Variants in NRG3 observed in about 807,000 individuals in gnomAD.
NRG3 encodes the protein pro-neuregulin-3, membrane-bound isoform.
In NRG3, 31 loss-of-function variants were observed where a neutral mutation model predicts 66.9. That is an observed-to-expected ratio of 0.46 (90% CI 0.35 to 0.63). NRG3 has a LOEUF of 0.63. Among genes scored for constraint, NRG3 ranks in the 20% least tolerant of loss-of-function variants. The pLI is 0.00. For missense variants in NRG3, 910 were observed against 878.9 expected, an observed-to-expected ratio of 1.04 and a Z score of -0.45; for synonymous variants, 393 against 359.4, an observed-to-expected ratio of 1.09 and a Z score of -1.06.
intron 1 of NRG3, among the ~76,000 whole-genome samples, chr10:82,084,418 A>G (rs948351233): frequency 4.6e-5 from 7 of 151,884 alleles, no homozygotes; most frequent in African/African-American, 1.7e-4. Flanking sequence ...TAACAATATA[A>G]TCCTACTTTC....
At chr10:82,472,533 G>A (rs937854893) in intron 2 of NRG3, among the ~76,000 whole-genome samples, 1 of 152,198 alleles carries the variant, frequency 6.6e-6, no homozygotes, top group African/African-American at 2.4e-5. Flanking sequence ...GGGTTATCAA[G>A]CATCGCCGTT....
intron 2 of NRG3, among the ~76,000 whole-genome samples, chr10:82,599,234 G>A (rs1005588951): frequency 6.6e-6 from 1 of 152,152 alleles, no homozygotes; most frequent in Non-Finnish European, 1.5e-5. Flanking sequence ...GAATATGTGG[G>A]CTTCAAAAGG....
chr10:82,983,236 A>G (rs1853107123), intron 8 of NRG3, among the ~76,000 whole-genome samples: 1 of 152,196 alleles, frequency 6.6e-6, no homozygotes, highest in Admixed American at 6.5e-5. Flanking sequence ...ATTTTCATAC[A>G]TACAAATCAT....
rs183639884 is a variant in NRG3 at position 82,069,774 on chromosome 10, T to C, written c.823+193611T>C. On this transcript the variant is annotated intron_variant, in intron 1 of 8. Coordinates refer to ENST00000372141, the MANE Select transcript of NRG3 (RefSeq NM_001010848.4). ...GAGAAGTTTCATATTGAAATAAGCT[T>C]TTAGAAAACTGCTCTGGTAAATTAA... 7.6e-3 allele frequency among the ~76,000 whole-genome samples: 1,159 copies of C among 152,296 alleles called. 9 individuals are homozygous for C. Among genetic ancestry groups the C allele is most frequent in the Non-Finnish European group, 0.011 (767 of 68,026 alleles).
rs368387473 is a variant in NRG3, at chr10:82,784,671, G to A, written c.1027+46021G>A. ...CACAATGAGATACCATCTCACACCA[G>A]TTAGAATGGCAATCATTAAAAAGTC... On this transcript the variant is annotated intron_variant, in intron 3 of 8. Coordinates refer to ENST00000372141, the MANE Select transcript of NRG3 (RefSeq NM_001010848.4). 2.2e-3 allele frequency among the ~76,000 whole-genome samples: 336 copies of A among 152,082 alleles called. 4 individuals carry two copies. In the East Asian group the frequency reaches 0.054, roughly 25 times the overall value.
chr10:82,785,212 G>A (rs1455904701), intron 3 of NRG3, among the ~76,000 whole-genome samples: 1 of 151,854 alleles, frequency 6.6e-6, no homozygotes, highest in African/African-American at 2.4e-5. Context: ...TGTGGGGTAG[G>A]GGGAAGGGGG....
At chr10:81,988,261 G>A (rs532296825) in intron 1 of NRG3, among the ~76,000 whole-genome samples, 2 of 152,232 alleles carry the variant, frequency 1.3e-5, no homozygotes, top group East Asian at 3.9e-4. Flanking sequence ...AAGTTAATTT[G>A]TAGAGATAAG....
chr10:82,361,794 A>G (rs1158411187), intron 2 of NRG3, among the ~76,000 whole-genome samples: 1 of 152,128 alleles, frequency 6.6e-6, no homozygotes, highest in African/African-American at 2.4e-5. Context: ...GTTAAATAAG[A>G]TGCCATTTAA....
At chr10:82,683,222 T>C (rs1201330467) in intron 2 of NRG3, among the ~76,000 whole-genome samples, 1 of 152,142 alleles carries the variant, frequency 6.6e-6, no homozygotes, top group African/African-American at 2.4e-5. Flanking sequence ...CCCAAAGTGC[T>C]GGGATTACAG....
intron 2 of NRG3, among the ~76,000 whole-genome samples, chr10:82,446,994 C>G (rs1435622501): frequency 1.3e-5 from 2 of 152,064 alleles, no homozygotes; most frequent in Non-Finnish European, 1.5e-5. Context: ...GAGGGCATCC[C>G]TAGAATGCCA....
chr10:82,902,013 A>G (rs920219241), intron 4 of NRG3, among the ~76,000 whole-genome samples: 1 of 152,204 alleles, frequency 6.6e-6, no homozygotes, highest in African/African-American at 2.4e-5. Context: ...ACATAAATGG[A>G]TAGGTAAATA....
At chr10:82,785,123 A>G (rs534746546) in intron 3 of NRG3, among the ~76,000 whole-genome samples, 1 of 150,368 alleles carries the variant, frequency 6.7e-6, no homozygotes, top group East Asian at 2.0e-4. Context: ...CAAACACCGC[A>G]TGTTCTCACT....
chr10:82,870,473 T>A (rs958164942), intron 4 of NRG3, among the ~76,000 whole-genome samples: 1 of 152,188 alleles, frequency 6.6e-6, no homozygotes, highest in Non-Finnish European at 1.5e-5. Flanking sequence ...CTGGGTCATA[T>A]GGGAAGGATA....
intron 1 of NRG3, among the ~76,000 whole-genome samples, chr10:82,080,137 G>T (rs11192423): frequency 0.061 from 9,271 of 152,108 alleles, 438 homozygotes; most frequent in East Asian, 0.24. Flanking sequence ...CATTCACAGT[G>T]GCTCCCATCC....
intron 2 of NRG3, among the ~76,000 whole-genome samples, chr10:82,456,535 C>T (rs946103892): frequency 7.9e-5 from 12 of 152,010 alleles, no homozygotes; most frequent in African/African-American, 2.7e-4. Flanking sequence ...ATCATCAATG[C>T]ATCACTAGGT....
At chr10:82,052,917 T>C (rs1297338039) in intron 1 of NRG3, among the ~76,000 whole-genome samples, 2 of 152,120 alleles carry the variant, frequency 1.3e-5, no homozygotes, top group Admixed American at 6.6e-5. Flanking sequence ...CATTTGCAAC[T>C]ACACAAGAAA....
chr10:82,625,010 G>T (rs1484319753), intron 2 of NRG3, among the ~76,000 whole-genome samples: 1 of 150,794 alleles, frequency 6.6e-6, no homozygotes, highest in East Asian at 1.9e-4. Context: ...GAGCCTAAAG[G>T]ACGTTAAAGA....
intron 3 of NRG3, among the ~76,000 whole-genome samples, chr10:82,774,576 G>A (rs545455404): frequency 3.3e-5 from 5 of 151,802 alleles, no homozygotes; most frequent in South Asian, 4.2e-4. Flanking sequence ...CACAATAGCC[G>A]ATTATGATCC....
intron 2 of NRG3, among the ~76,000 whole-genome samples, chr10:82,495,990 G>A (rs1843595111): frequency 6.6e-6 from 1 of 152,062 alleles, no homozygotes; most frequent in Non-Finnish European, 1.5e-5. Flanking sequence ...CTTTTTATTA[G>A]AATTTACATT....
Sources: gnomAD v4.1 joint callset for allele counts (sites outside exome capture counted in the v4.1 genomes callset) on GRCh38, gnomAD v4.1.1 for gene constraint, MANE v1.5 for transcripts, NCBI Gene and HGNC (gene_info 2026-07-23, HGNC 2026-07-21) for gene names.